GCLC: variants seen among roughly 807,000 people sequenced by gnomAD.
GCLC encodes the protein glutamate-cysteine ligase catalytic subunit, also known as glutamate--cysteine ligase catalytic subunit.
GCLC carries 30 observed loss-of-function variants against 81.5 expected under a neutral mutation model. The ratio of observed to expected loss-of-function variants is 0.37; its 90% CI spans 0.28 to 0.50. The LOEUF (loss-of-function observed/expected upper bound fraction) is 0.50. Ranked by LOEUF, GCLC falls within the 20% of genes least tolerant of loss-of-function variation. The pLI is 0.96. For missense variants in GCLC, 556 were observed against 777.4 expected (o/e 0.72, Z 3.39); for synonymous variants, 262 against 273.3 (o/e 0.96, Z 0.41).
At chr6:53,537,614 A>AAAATAAATAAATAAATAAAT (rs200187470) in intron 1 of GCLC, among the ~76,000 whole-genome samples, 2 of 149,156 alleles carry the variant, frequency 1.3e-5, no homozygotes, top group African/African-American at 5.0e-5. Context: ...ACCCTGTCTC[A>AAAATAAATAAATAAATAAAT]AAATAAATAA....
chr6:53,526,573 C>G (rs753131816), intron 1 of GCLC, among the ~76,000 whole-genome samples: 37 of 151,992 alleles, frequency 2.4e-4, no homozygotes, highest in Admixed American at 6.6e-4. Context: ...CCGAGGCGGG[C>G]GGATCACAAG....
rs761071035 is a variant in GCLC, at chr6:53,508,670, C to A, written c.870G>T (p.Val290=). ...CTCCCCAGCGACAATCAATGTCTGACACATAGCCTCGGTAAAAGGGAGATG... is the reference window on the plus strand; with the variant it reads ...CTCCCCAGCGACAATCAATGTCTGAAACATAGCCTCGGTAAAAGGGAGATG... ...SAASPFYRGY[V]SDIDCRWGVI... Residue 290 remains valine (V), a synonymous_variant, in exon 8 of 16, where the codon GTG becomes GTT. Coordinates refer to ENST00000650454, the MANE Select transcript of GCLC (RefSeq NM_001498.4). 3 of 1,613,898 alleles carry A rather than the reference C, an allele frequency of 1.9e-6. No individual in the cohort carries two copies. Among genetic ancestry groups the A allele is most frequent in the South Asian group, 2.2e-5 (2 of 91,080 alleles).
At chr6:53,535,985 T>G (rs866812322) in intron 1 of GCLC, among the ~76,000 whole-genome samples, 5 of 152,340 alleles carry the variant, frequency 3.3e-5, no homozygotes, top group Middle Eastern at 3.4e-3. Context: ...ACATACAAAC[T>G]TGTATGTTAA....
At chr6:53,522,879 T>C (rs185359493) in intron 1 of GCLC, 8 of 245,738 alleles carry the variant, frequency 3.3e-5, no homozygotes, top group Non-Finnish European at 1.6e-5. Context: ...TTAAAATTTA[T>C]TTCCTCAGTT....
At chr6:53,509,674 A>T in intron 6 of GCLC, 2 of 237,050 alleles carry the variant, frequency 8.4e-6, no homozygotes, top group Non-Finnish European at 1.7e-5. Flanking sequence ...TTTGAGATGG[A>T]GTCTCACTCT....
In GCLC at chr6:53,500,036, A is replaced by T. The variant is rs377604505; in HGVS notation, c.1702+9T>A. The T allele has an allele frequency of 6.3e-7, 1 of 1,577,648 alleles. No individual in the cohort carries two copies. Among genetic ancestry groups the T allele is most frequent in the Non-Finnish European group, 8.7e-7 (1 of 1,146,784 alleles). On this transcript the variant is annotated intron_variant, in intron 15 of 15. Coordinates refer to ENST00000650454, the MANE Select transcript of GCLC (RefSeq NM_001498.4). Reference sequence around the variant, plus strand: ...TATATTATGAGATTAAGAAAAATAGATATCATACCAGATGCTCTCTTCTTA... The same window carrying T: ...TATATTATGAGATTAAGAAAAATAGTTATCATACCAGATGCTCTCTTCTTA...
Position 53,544,731 on chromosome 6 carries a change from G to A in GCLC, c.-86C>T. 1 of 1,343,226 alleles carries A rather than the reference G, an allele frequency of 7.4e-7. No homozygotes were observed. The highest frequency in any genetic ancestry group is 1.0e-6 in the Non-Finnish European group (1 of 1,001,570). 83.2% of individuals were successfully genotyped at this position (1,343,226 alleles called of 1,614,324 possible). A position where few individuals can be genotyped will look rare whatever the true frequency, so the allele number is the denominator to read the frequency against. ...CGAGACGGACACTCAGCCGCCCGCA[G>A]AAGGCGGCTGCCGCTCCACCCCGCG... is the stretch of plus-strand genomic sequence containing the variant. On this transcript the variant is annotated 5_prime_UTR_variant, in exon 1 of 16. Transcript: ENST00000650454.
intron 1 of GCLC, among the ~76,000 whole-genome samples, chr6:53,532,644 C>A (rs1763192786): frequency 6.6e-6 from 1 of 152,118 alleles, no homozygotes; most frequent in Admixed American, 6.6e-5. Context: ...GACTTACAAC[C>A]CAGATTTTTA....
chr6:53,535,976 C>T (rs1763250344), intron 1 of GCLC, among the ~76,000 whole-genome samples: 1 of 152,184 alleles, frequency 6.6e-6, no homozygotes, highest in Non-Finnish European at 1.5e-5. Context: ...TTAGTCCATA[C>T]ATACAAACTT....
chr6:53,501,325 A>AT (rs1351616472), intron 12 of GCLC: 1 of 152,554 alleles, frequency 6.6e-6, no homozygotes, highest in African/African-American at 2.4e-5. Flanking sequence ...ATAGGTTGTC[A>AT]TATCTGGAAT....
At chr6:53,517,307 G>T (rs1136874) in intron 3 of GCLC, among the ~76,000 whole-genome samples, 1 of 127,870 alleles carries the variant, frequency 7.8e-6, no homozygotes, top group Non-Finnish European at 1.6e-5. Flanking sequence ...ATGCTACCCA[G>T]AATGGTCTTT....
chr6:53,497,720 G>C lies in GCLC; in HGVS notation c.*1036C>G, dbSNP rs1764399473. 1 of 152,368 alleles carries C rather than the reference G, an allele frequency of 6.6e-6. No individual in the cohort carries two copies. Among genetic ancestry groups the C allele is most frequent in the Non-Finnish European group, 1.5e-5 (1 of 68,002 alleles). 9.4% of individuals were successfully genotyped at this position (152,368 alleles called of 1,614,324 possible). A position where few individuals can be genotyped will look rare whatever the true frequency, so the allele number is the denominator to read the frequency against. On this transcript the variant is annotated 3_prime_UTR_variant, in exon 16 of 16. Coordinates refer to ENST00000650454, the MANE Select transcript of GCLC (RefSeq NM_001498.4). The stretch of plus-strand genomic sequence containing the variant: ...AACTTATTTACAATTAAACATTTAG[G>C]GTCCTGATTTACAAAACTCAGTGCC...
At chr6:53,515,906 C>G (rs1200119236) in intron 4 of GCLC, among the ~76,000 whole-genome samples, 1 of 152,094 alleles carries the variant, frequency 6.6e-6, no homozygotes, top group Non-Finnish European at 1.5e-5. Flanking sequence ...ACAAATCAAG[C>G]CTGGTGCACG....
At chr6:53,500,634 A>G (rs1304092485) in intron 12 of GCLC, 121 bp from the exon 13 acceptor site, 3 of 772,634 alleles carry the variant, frequency 3.9e-6, no homozygotes, top group Non-Finnish European at 6.9e-6. Context: ...TTTCTGCTCA[A>G]ATGCTTCCCA....
chr6:53,503,881 A>C (rs920806863), intron 12 of GCLC, among the ~76,000 whole-genome samples: 1 of 152,110 alleles, frequency 6.6e-6, no homozygotes, highest in African/African-American at 2.4e-5. Flanking sequence ...ATTAATCTTC[A>C]TTTGGTCTTT....
intron 1 of GCLC, among the ~76,000 whole-genome samples, chr6:53,531,876 T>C (rs1270307336): frequency 1.3e-5 from 2 of 152,244 alleles, no homozygotes; most frequent in Middle Eastern, 3.2e-3. Flanking sequence ...TGTTGTAGTC[T>C]TTGGCTTTTA....
chr6:53,517,634 C>T (rs987592697), intron 3 of GCLC, among the ~76,000 whole-genome samples: 1 of 152,072 alleles, frequency 6.6e-6, no homozygotes, highest in African/African-American at 2.4e-5. Flanking sequence ...TCCTTGCTCA[C>T]CAGAATCAGA....
Position 53,538,694 on chromosome 6 carries a change from T to C in GCLC, c.150+5802A>G, listed in dbSNP as rs1763300804. Among the ~76,000 whole-genome samples, 3 of 152,164 alleles carry C rather than the reference T, an allele frequency of 2.0e-5. No individual in the cohort carries two copies. The South Asian group carries it at 6.2e-4, about 32-fold the overall frequency. Reference sequence around the variant, plus strand: ...ATATATCAGCCCTTAATAAATCTCATCTCTGTTTTACACATAAGAACATGC... The same window carrying C: ...ATATATCAGCCCTTAATAAATCTCACCTCTGTTTTACACATAAGAACATGC... On this transcript the variant is annotated intron_variant, in intron 1 of 15. Transcript: ENST00000650454.
At chr6:53,521,035 G>T in intron 2 of GCLC, 75 bp from the exon 3 acceptor site, 2 of 1,176,758 alleles carry the variant, frequency 1.7e-6, no homozygotes, top group South Asian at 1.2e-5. Context: ...TTTTAAAGTT[G>T]CTTTAAAAGT....
Sources: gnomAD v4.1 joint callset for allele counts (sites outside exome capture counted in the v4.1 genomes callset) on GRCh38, gnomAD v4.1.1 for gene constraint, MANE v1.5 for transcripts, NCBI Gene and HGNC (gene_info 2026-07-23, HGNC 2026-07-21) for gene names.